SCARA5: variants seen among roughly 807,000 people sequenced by gnomAD.
The protein encoded by SCARA5 is scavenger receptor class A member 5, also known as scavenger receptor class A, member 5 (putative).
Under a neutral mutation model 46.3 loss-of-function variants are expected in SCARA5, and 45 were observed. That is an observed-to-expected ratio of 0.97 (90% CI 0.76 to 1.24). SCARA5 has a LOEUF of 1.24. Ranked by LOEUF, SCARA5 falls within the 50% of genes most tolerant of loss-of-function variation. The pLI is 0.00. For missense variants in SCARA5, 680 were observed against 689.0 expected (o/e 0.99, Z 0.15); for synonymous variants, 333 against 306.5 (o/e 1.09, Z -0.90).
chr8:27,882,623 G>A (rs1393182477), intron 7 of SCARA5, among the ~76,000 whole-genome samples: 1 of 152,184 alleles, frequency 6.6e-6, no homozygotes, highest in Non-Finnish European at 1.5e-5. Flanking sequence ...AGTGCTTTAA[G>A]CCAGAGAGAG....
At chr8:27,886,378 G>A (rs1476558342) in intron 7 of SCARA5, among the ~76,000 whole-genome samples, 1 of 152,232 alleles carries the variant, frequency 6.6e-6, no homozygotes, top group Non-Finnish European at 1.5e-5. Context: ...CCACTTCACA[G>A]AGCATGGCCC....
rs2129997742 is a variant in SCARA5, at chr8:27,992,282, G to A, written c.-41C>T. 1 of 152,438 alleles carries A rather than the reference G, an allele frequency of 6.6e-6. No individual in the cohort carries two copies. The highest frequency in any genetic ancestry group is 2.1e-4 in the South Asian group (1 of 4,830). 9.4% of individuals were successfully genotyped at this position (152,438 alleles called of 1,614,324 possible). A position where few individuals can be genotyped will look rare whatever the true frequency, so the allele number is the denominator to read the frequency against. On this transcript the variant is annotated 5_prime_UTR_variant, in exon 1 of 9. Coordinates refer to ENST00000354914, the MANE Select transcript of SCARA5 (RefSeq NM_173833.6). ...CTGAGTGCCCCTGGCTGAGGCTGTA[G>A]AGCCTTGTCCCCTCAGATCTCAGCA...
chr8:27,988,241 C>T (rs531102129), intron 1 of SCARA5, among the ~76,000 whole-genome samples: 27 of 152,238 alleles, frequency 1.8e-4, no homozygotes, highest in African/African-American at 2.4e-5. Context: ...TGGTGGGGCC[C>T]GAGGAGCAGG....
chr8:27,927,267 G>A (rs1237297611), intron 3 of SCARA5, among the ~76,000 whole-genome samples: 4 of 152,148 alleles, frequency 2.6e-5, no homozygotes, highest in African/African-American at 9.7e-5. Flanking sequence ...TCCCTGAGCA[G>A]GAAACTGGAC....
At chr8:27,973,958 A>T (rs1808484107) in intron 2 of SCARA5, among the ~76,000 whole-genome samples, 1 of 152,210 alleles carries the variant, frequency 6.6e-6, no homozygotes, top group Admixed American at 6.5e-5. Flanking sequence ...AATACCCCAA[A>T]GAGTTTTTGC....
Position 27,870,790 on chromosome 8 carries a change from C to T in SCARA5, c.*1144G>A, listed in dbSNP as rs192641541. 1.3e-5 allele frequency: 2 copies of T among 152,354 alleles called. No homozygotes were observed. Among genetic ancestry groups the T allele is most frequent in the African/African-American group, 4.8e-5 (2 of 41,574 alleles). 9.4% of individuals were successfully genotyped at this position (152,354 alleles called of 1,614,324 possible). A position where few individuals can be genotyped will look rare whatever the true frequency, so the allele number is the denominator to read the frequency against. The stretch of plus-strand genomic sequence containing the variant: ...TAGGGAATCTTCATTTCCTTCCCCC[C>T]TAAGGGTTCCATTAGGACTTGTGTT... On this transcript the variant is annotated 3_prime_UTR_variant, in exon 9 of 9. Transcript: ENST00000354914.
chr8:27,884,612 A>C (rs780825239), intron 7 of SCARA5, among the ~76,000 whole-genome samples: 2 of 152,226 alleles, frequency 1.3e-5, no homozygotes, highest in African/African-American at 2.4e-5. Context: ...TCAAAACAAC[A>C]GGAAGAGTGT....
chr8:27,910,995 C>T (rs922178757), intron 4 of SCARA5, among the ~76,000 whole-genome samples: 1 of 152,170 alleles, frequency 6.6e-6, no homozygotes, highest in Non-Finnish European at 1.5e-5. Context: ...ATGTGACCTG[C>T]CCACGTCCAC....
intron 3 of SCARA5, among the ~76,000 whole-genome samples, chr8:27,946,988 C>T (rs1411633530): frequency 6.6e-6 from 1 of 151,664 alleles, no homozygotes; most frequent in Non-Finnish European, 1.5e-5. Flanking sequence ...AACAGAGATC[C>T]CAGGTGGTCA....
intron 2 of SCARA5, among the ~76,000 whole-genome samples, chr8:27,982,875 G>T (rs1808645487): frequency 6.6e-6 from 1 of 152,176 alleles, no homozygotes; most frequent in South Asian, 2.1e-4. Context: ...AGGGATAAAG[G>T]CAGGGAGGGT....
At chr8:27,933,620 T>G (rs1406102695) in intron 3 of SCARA5, among the ~76,000 whole-genome samples, 1 of 151,978 alleles carries the variant, frequency 6.6e-6, no homozygotes, top group Non-Finnish European at 1.5e-5. Context: ...AAATATAAAC[T>G]TATATAACTT....
At position 27,922,073 on chromosome 8, in the gene SCARA5, C is replaced by T. The variant is rs773023410; in HGVS notation, c.414G>A (p.Ser138=). Residue 138 remains serine (S), a synonymous_variant, in exon 4 of 9, where the codon TCG becomes TCA. Transcript: ENST00000354914. Reference sequence around the variant, plus strand: ...GCACTGCGCCCGCCAGCGCCAGCAACGAGTCTGACTGGTTCTGCAGCGCGT... The same window carrying T: ...GCACTGCGCCCGCCAGCGCCAGCAATGAGTCTGACTGGTTCTGCAGCGCGT... The part of the protein sequence containing the change: ...VQDALQNQSD[S]LLALAGAVQR... 3.1e-6 allele frequency: 5 copies of T among 1,595,772 alleles called. No homozygotes were observed. The highest frequency in any genetic ancestry group is 3.5e-5 in the Admixed American group (2 of 57,948).
chr8:27,981,536 C>T (rs1402914785), intron 2 of SCARA5, among the ~76,000 whole-genome samples: 1 of 152,196 alleles, frequency 6.6e-6, no homozygotes, highest in Admixed American at 6.5e-5. Flanking sequence ...GGGGCTCCCC[C>T]GTGAGTTGAG....
At chr8:27,986,558 T>C (rs371276908) in intron 2 of SCARA5, among the ~76,000 whole-genome samples, 1 of 152,144 alleles carries the variant, frequency 6.6e-6, no homozygotes, top group East Asian at 1.9e-4. Context: ...TAGGGCTGGG[T>C]GAGCAGGTTC....
chr8:27,944,153 C>CAGG, intron 3 of SCARA5, among the ~76,000 whole-genome samples: 1 of 152,284 alleles, frequency 6.6e-6, no homozygotes, highest in Admixed American at 6.5e-5. Flanking sequence ...GGCAAGGAAC[C>CAGG]CATCTAGAAA....
intron 4 of SCARA5, among the ~76,000 whole-genome samples, chr8:27,918,167 T>C (rs1807493244): frequency 6.6e-6 from 1 of 152,220 alleles, no homozygotes; most frequent in African/African-American, 2.4e-5. Flanking sequence ...GGGTATTTCA[T>C]GGCATGTAAA....
At chr8:27,971,085 G>A (rs1346611001) in intron 2 of SCARA5, among the ~76,000 whole-genome samples, 1 of 152,232 alleles carries the variant, frequency 6.6e-6, no homozygotes, top group Non-Finnish European at 1.5e-5. Context: ...CATCTCCCAG[G>A]CCACTGCCTG....
At chr8:27,879,234 G>C (rs575162291) in intron 8 of SCARA5, among the ~76,000 whole-genome samples, 1 of 152,264 alleles carries the variant, frequency 6.6e-6, no homozygotes, top group East Asian at 1.9e-4. Context: ...ATAGAGACAT[G>C]AGAGCACGTT....
chr8:27,978,117 C>T (rs368839044), intron 2 of SCARA5, among the ~76,000 whole-genome samples: 1 of 150,348 alleles, frequency 6.7e-6, no homozygotes, highest in East Asian at 2.0e-4. Context: ...ACCTCTGCCT[C>T]CCAGGTTCAA....
Sources: allele counts gnomAD v4.1 joint callset (sites outside exome capture counted in the v4.1 genomes callset), GRCh38; gene constraint gnomAD v4.1.1; transcripts MANE v1.5; gene names NCBI Gene and HGNC (gene_info 2026-07-23, HGNC 2026-07-21).